ANKFY1: variants seen among roughly 807,000 people sequenced by gnomAD.
ANKFY1 encodes the protein ankyrin repeat and FYVE domain-containing protein 1.
Under a neutral mutation model 128.3 loss-of-function variants are expected in ANKFY1, and 47 were observed. The ratio of observed to expected loss-of-function variants is 0.37; its 90% CI spans 0.29 to 0.47. The LOEUF (loss-of-function observed/expected upper bound fraction) is 0.47, where lower values mean the gene tolerates loss of function less well. Ranked by LOEUF, ANKFY1 falls within the 20% of genes least tolerant of loss-of-function variation. The probability of loss-of-function intolerance (pLI) is 1.00; values close to 1 mark genes in which losing one functional copy is unlikely to be tolerated. For missense variants in ANKFY1, 1,222 were observed against 1,510.6 expected (o/e 0.81, Z 3.17); for synonymous variants, 553 against 601.6 (o/e 0.92, Z 1.18).
chr17:4,242,802 A>G (rs1222985686), intron 1 of ANKFY1, among the ~76,000 whole-genome samples: 4 of 152,236 alleles, frequency 2.6e-5, no homozygotes, highest in Admixed American at 1.3e-4. Flanking sequence ...GAAGACCATC[A>G]TGGTTACAGG....
chr17:4,225,999 G>C (rs2060418967), intron 3 of ANKFY1, among the ~76,000 whole-genome samples: 1 of 152,128 alleles, frequency 6.6e-6, no homozygotes, highest in South Asian at 2.1e-4. Context: ...CTAGGCTCAA[G>C]GGATCCGCTT....
At position 4,179,125 on chromosome 17, in the gene ANKFY1, A is replaced by G. The variant is rs1023798643; in HGVS notation, c.2398-68T>C. 1.4e-4 allele frequency: 215 copies of G among 1,521,198 alleles called. No individual in the cohort carries two copies. In the East Asian group the frequency reaches 2.0e-3, roughly 14 times the overall value. The allele number at this position is 1,521,198 out of a possible 1,614,324, so 94.2% of individuals were successfully genotyped here. A position where few individuals can be genotyped will look rare whatever the true frequency, so the allele number is the denominator to read the frequency against. ...AAACTCAGGAAAAATATGAAAGGGT[A>G]TAACTTTTAAATCAAATTTCAGTTA... On this transcript the variant is annotated intron_variant, in intron 17 of 24. Coordinates refer to ENST00000341657, the MANE Select transcript of ANKFY1 (RefSeq NM_001330063.2).
intron 1 of ANKFY1, among the ~76,000 whole-genome samples, chr17:4,260,685 G>A (rs1384048938): frequency 6.7e-6 from 1 of 149,570 alleles, no homozygotes; most frequent in Non-Finnish European, 1.5e-5. Flanking sequence ...CCACAGAGAT[G>A]TAGAGTTGGG....
At chr17:4,259,942 G>A (rs73975906) in intron 1 of ANKFY1, among the ~76,000 whole-genome samples, 3,970 of 152,208 alleles carry the variant, frequency 0.026, 184 homozygotes, top group African/African-American at 0.089. Context: ...GAGAAACAGC[G>A]GAGGACTGTT....
intron 1 of ANKFY1, among the ~76,000 whole-genome samples, chr17:4,253,970 A>C (rs917620314): frequency 1.3e-5 from 2 of 152,198 alleles, no homozygotes; most frequent in Admixed American, 1.3e-4. Context: ...GCATTGACCA[A>C]AACATCATTA....
chr17:4,219,620 A>T (rs1023797323), intron 3 of ANKFY1, among the ~76,000 whole-genome samples: 3 of 152,124 alleles, frequency 2.0e-5, no homozygotes, highest in Non-Finnish European at 2.9e-5. Context: ...AGCAGCTTGA[A>T]GGGGGCAATG....
At chr17:4,222,900 C>T (rs1567957796) in intron 3 of ANKFY1, 1 of 1,076,428 alleles carries the variant, frequency 9.3e-7, no homozygotes, top group African/African-American at 1.5e-5. Flanking sequence ...CAATCCAACT[C>T]CTATCACCAG....
intron 3 of ANKFY1, among the ~76,000 whole-genome samples, chr17:4,234,969 A>G (rs1360954430): frequency 6.6e-6 from 1 of 152,180 alleles, no homozygotes; most frequent in Non-Finnish European, 1.5e-5. Context: ...TCTGAAGGCT[A>G]ATGGTCATCT....
chr17:4,261,337 G>A (rs4790599), intron 1 of ANKFY1, among the ~76,000 whole-genome samples: 77,314 of 152,044 alleles, frequency 0.51, 22,132 homozygotes, highest in East Asian at 0.8. Context: ...AAAATTAGCC[G>A]GGTATGATGG....
At chr17:4,251,738 G>A (rs890340605) in intron 1 of ANKFY1, among the ~76,000 whole-genome samples, 31 of 151,984 alleles carry the variant, frequency 2.0e-4, no homozygotes, top group African/African-American at 6.5e-4. Flanking sequence ...GAGAAAATAT[G>A]TGCAAAACAT....
In ANKFY1 at chr17:4,177,172, AG is replaced by A; in HGVS notation, c.2728del (p.Leu910CysfsTer23). 3 of 1,607,560 alleles carry A rather than the reference AG, an allele frequency of 1.9e-6. No individual in the cohort carries two copies. The highest frequency in any genetic ancestry group is 3.4e-5 in the Admixed American group (2 of 59,298). On this transcript the variant is annotated frameshift_variant, in exon 19 of 25. Transcript: ENST00000341657. LOFTEE classifies it high-confidence loss of function. ...RVQDASKLTP[L>X]HLAVQAGSEI... Reference sequence around the variant, plus strand: ...TGAGCCTGCTTGGACAGCGAGGTGCAGGGGGGTCAACTTGGAGGCATCCTGG... The same window carrying A: ...TGAGCCTGCTTGGACAGCGAGGTGCAGGGGGTCAACTTGGAGGCATCCTGG...
intron 24 of ANKFY1, among the ~76,000 whole-genome samples, chr17:4,168,377 C>T (rs1321690992): frequency 3.9e-5 from 6 of 152,134 alleles, no homozygotes; most frequent in Admixed American, 2.0e-4. Flanking sequence ...CGCTTGAACC[C>T]GCGAAGTGGA....
Position 4,171,899 on chromosome 17 carries a change from G to A in ANKFY1, c.3139+657C>T, listed in dbSNP as rs538380768. On this transcript the variant is annotated intron_variant, in intron 22 of 24. Coordinates refer to ENST00000341657, the MANE Select transcript of ANKFY1 (RefSeq NM_001330063.2). ...GCAGCAGCCACACAGCTGCGCAGAG[G>A]GCTCTGGGCTGGGATGAGACATCTG... Among the ~76,000 whole-genome samples the A allele has an allele frequency of 4.6e-5, 7 of 152,316 alleles. No homozygotes were observed. The South Asian group carries it at 1.2e-3, about 27-fold the overall frequency.
intron 3 of ANKFY1, among the ~76,000 whole-genome samples, chr17:4,220,514 A>G (rs1466189859): frequency 6.6e-6 from 1 of 152,226 alleles, no homozygotes; most frequent in African/African-American, 2.4e-5. Context: ...TTGCCCGGTT[A>G]ATCTTGACCT....
intron 7 of ANKFY1, among the ~76,000 whole-genome samples, chr17:4,204,333 C>T (rs2059985567): frequency 6.6e-6 from 1 of 152,254 alleles, no homozygotes; most frequent in African/African-American, 2.4e-5. Context: ...AAAAGTAATT[C>T]CCACTTTATG....
At chr17:4,216,810 G>T in intron 4 of ANKFY1, 173 bp downstream of exon 4, 1 of 834,872 alleles carries the variant, frequency 1.2e-6, no homozygotes, top group Non-Finnish European at 1.9e-6. Context: ...GCAAAATTTA[G>T]CTACAAGATA....
chr17:4,251,131 T>G (rs11078490), intron 1 of ANKFY1, among the ~76,000 whole-genome samples: 57,253 of 152,086 alleles, frequency 0.38, 10,843 homozygotes, highest in Admixed American at 0.42. Context: ...AGACTTTGAC[T>G]TATACAAATG....
chr17:4,209,798 T>C, intron 5 of ANKFY1, 26 bp downstream of exon 5: 8 of 1,593,406 alleles, frequency 5.0e-6, no homozygotes, highest in Non-Finnish European at 6.9e-6. Context: ...CTAGAGTGCT[T>C]TGTTGACACC....
chr17:4,172,443 G>GAAC (rs1318693156), intron 22 of ANKFY1, 113 bp downstream of exon 22: 18 of 1,445,108 alleles, frequency 1.2e-5, no homozygotes, highest in African/African-American at 2.8e-5. Context: ...GGGCCCAACA[G>GAAC]AACTGTTCTG....
Sources: allele counts gnomAD v4.1 joint callset (sites outside exome capture counted in the v4.1 genomes callset), GRCh38; gene constraint gnomAD v4.1.1; transcripts MANE v1.5; gene names NCBI Gene and HGNC (gene_info 2026-07-23, HGNC 2026-07-21).